Variants in CNTNAP2 observed in about 807,000 individuals in gnomAD.
CNTNAP2 encodes the protein contactin-associated protein-like 2.
CNTNAP2 carries 98 observed loss-of-function variants against 155.2 expected under a neutral mutation model. The ratio of observed to expected loss-of-function variants is 0.63; its 90% CI spans 0.54 to 0.75. The LOEUF (loss-of-function observed/expected upper bound fraction) is 0.75. CNTNAP2 is among the 30% of genes least tolerant of loss of function. The pLI is 0.00. For synonymous variants in CNTNAP2, 651 were observed against 631.2 expected, an observed-to-expected ratio of 1.03 and a Z score of -0.47; for missense variants, 1,727 against 1,688.1, an observed-to-expected ratio of 1.02 and a Z score of -0.40.
At chr7:147,461,232 T>G (rs963940390) in intron 10 of CNTNAP2, among the ~76,000 whole-genome samples, 1 of 152,178 alleles carries the variant, frequency 6.6e-6, no homozygotes, top group Admixed American at 6.5e-5. Context: ...AAACTCAAGT[T>G]TAGATTTCAG....
At chr7:147,885,317 C>T (rs1799585712) in intron 13 of CNTNAP2, among the ~76,000 whole-genome samples, 1 of 152,124 alleles carries the variant, frequency 6.6e-6, no homozygotes, top group South Asian at 2.1e-4. Flanking sequence ...GGTTAAGAAA[C>T]CAAACTCAGC....
chr7:146,145,357 C>T (rs541427106), intron 1 of CNTNAP2, among the ~76,000 whole-genome samples: 160 of 152,210 alleles, frequency 1.1e-3, no homozygotes, highest in African/African-American at 3.7e-3. Context: ...CCAAATTAGA[C>T]GAGAACATAC....
At chr7:146,317,268 T>G (rs887703908) in intron 1 of CNTNAP2, among the ~76,000 whole-genome samples, 1 of 152,238 alleles carries the variant, frequency 6.6e-6, no homozygotes, top group Admixed American at 6.5e-5. Flanking sequence ...AAATAGGTAA[T>G]CATCTATACT....
At chr7:148,217,126 A>C (rs906172227) in intron 18 of CNTNAP2, among the ~76,000 whole-genome samples, 162 bp from the exon 19 acceptor site, 1 of 151,108 alleles carries the variant, frequency 6.6e-6, no homozygotes, top group Non-Finnish European at 1.5e-5. Context: ...TTTTTTGATA[A>C]GAGTATTTGT....
chr7:146,221,496 A>G (rs1298200045), intron 1 of CNTNAP2, among the ~76,000 whole-genome samples: 1 of 152,178 alleles, frequency 6.6e-6, no homozygotes, highest in Admixed American at 6.5e-5. Flanking sequence ...CAATCTGGAG[A>G]TATTCAAATT....
chr7:147,043,880 T>G, intron 3 of CNTNAP2, 27 bp from the exon 4 acceptor site: 2 of 1,613,880 alleles, frequency 1.2e-6, no homozygotes, highest in Non-Finnish European at 1.7e-6. Flanking sequence ...TTTTTCCCAA[T>G]TTTTAAAATA....
intron 13 of CNTNAP2, among the ~76,000 whole-genome samples, chr7:147,733,498 T>C (rs1205866580): frequency 4.6e-5 from 7 of 152,202 alleles, no homozygotes; most frequent in Admixed American, 6.5e-5. Flanking sequence ...GACTTGCCAA[T>C]GTGGGCTCTT....
chr7:146,970,525 C>G (rs1437745415), intron 3 of CNTNAP2, among the ~76,000 whole-genome samples: 1 of 152,186 alleles, frequency 6.6e-6, no homozygotes, highest in Non-Finnish European at 1.5e-5. Context: ...CATCCCACAC[C>G]AGTTAGAATG....
At chr7:146,930,044 A>G (rs553418045) in intron 3 of CNTNAP2, among the ~76,000 whole-genome samples, 2 of 152,158 alleles carry the variant, frequency 1.3e-5, no homozygotes, top group African/African-American at 4.8e-5. Context: ...AACTTCCCCA[A>G]TCTAGCAAGG....
intron 3 of CNTNAP2, among the ~76,000 whole-genome samples, chr7:146,913,257 A>G (rs899707874): frequency 1.3e-5 from 2 of 152,140 alleles, no homozygotes; most frequent in Non-Finnish European, 2.9e-5. Flanking sequence ...GGTATCTGTA[A>G]GAGAGCTGCG....
chr7:147,511,807 A>G (rs1584781761), intron 11 of CNTNAP2, among the ~76,000 whole-genome samples: 1 of 152,168 alleles, frequency 6.6e-6, no homozygotes, highest in Non-Finnish European at 1.5e-5. Flanking sequence ...TCTTATGTCC[A>G]TTCTGGGCTG....
chr7:146,650,985 A>G (rs141796115), intron 1 of CNTNAP2, among the ~76,000 whole-genome samples: 2 of 152,022 alleles, frequency 1.3e-5, no homozygotes, highest in East Asian at 3.9e-4. Context: ...ACGCTGGTGG[A>G]TAGTGACTGC....
At chr7:148,062,204 A>G (rs1449229923) in intron 15 of CNTNAP2, among the ~76,000 whole-genome samples, 1 of 152,028 alleles carries the variant, frequency 6.6e-6, no homozygotes, top group Non-Finnish European at 1.5e-5. Context: ...ATGGAAAATA[A>G]TGAAAAGAGA....
At chr7:147,640,555 A>T (rs1795255108) in intron 13 of CNTNAP2, among the ~76,000 whole-genome samples, 1 of 152,182 alleles carries the variant, frequency 6.6e-6, no homozygotes, top group Admixed American at 6.5e-5. Context: ...ATGCCCCAAA[A>T]CAGCAATGAA....
intron 4 of CNTNAP2, among the ~76,000 whole-genome samples, chr7:147,087,537 A>G (rs1203378411): frequency 2.0e-4 from 30 of 152,304 alleles, no homozygotes; most frequent in Non-Finnish European, 1.5e-5. Flanking sequence ...GCTCTTGTCT[A>G]ATGACATTTT....
chr7:147,337,810 C>T (rs748208121), intron 9 of CNTNAP2, among the ~76,000 whole-genome samples: 2 of 152,102 alleles, frequency 1.3e-5, no homozygotes, highest in African/African-American at 2.4e-5. Context: ...AGGGTGGCTC[C>T]AATTAGTATC....
chr7:147,562,366 A>G (rs1800080925), intron 12 of CNTNAP2, 109 bp downstream of exon 12: 1 of 1,337,902 alleles, frequency 7.5e-7, no homozygotes, highest in East Asian at 2.3e-5. Context: ...CACAACATCT[A>G]ATCAGCAACA....
chr7:146,250,573 C>T (rs1452676680), intron 1 of CNTNAP2, among the ~76,000 whole-genome samples: 1 of 152,122 alleles, frequency 6.6e-6, no homozygotes, highest in Non-Finnish European at 1.5e-5. Flanking sequence ...TCAACCTGTC[C>T]CATGACTTCT....
chr7:147,832,798 G>A (rs1798573773), intron 13 of CNTNAP2, among the ~76,000 whole-genome samples: 1 of 144,868 alleles, frequency 6.9e-6, no homozygotes, highest in Admixed American at 7.0e-5. Flanking sequence ...TATTAACTAT[G>A]TAATTTAATT....
Sources: allele counts gnomAD v4.1 joint callset (sites outside exome capture counted in the v4.1 genomes callset), GRCh38; gene constraint gnomAD v4.1.1; transcripts MANE v1.5; gene names NCBI Gene and HGNC (gene_info 2026-07-23, HGNC 2026-07-21).